The following GSTCD variants were observed in gnomAD, a reference collection of about 807,000 sequenced individuals.
GSTCD encodes glutathione S-transferase C-terminal domain containing.
Under a neutral mutation model 68.3 loss-of-function variants are expected in GSTCD, and 44 were observed. That is an observed-to-expected ratio of 0.64 (90% CI 0.51 to 0.83). GSTCD has a LOEUF of 0.83. Ranked by LOEUF, GSTCD falls within the 40% of genes least tolerant of loss-of-function variation. The probability of loss-of-function intolerance (pLI) is 0.00; values close to 1 mark genes in which losing one functional copy is unlikely to be tolerated. For synonymous variants in GSTCD, 273 were observed against 255.2 expected (o/e 1.07, Z -0.67); for missense variants, 739 against 735.9 (o/e 1.00, Z -0.05).
intron 1 of GSTCD, among the ~76,000 whole-genome samples, chr4:105,716,744 T>C (rs1252305808): frequency 6.6e-6 from 1 of 152,166 alleles, no homozygotes; most frequent in Non-Finnish European, 1.5e-5. Context: ...GCCAAGAATG[T>C]TGGAGATGGC....
chr4:105,724,817 C>T (rs1732977438), intron 3 of GSTCD, among the ~76,000 whole-genome samples: 1 of 151,862 alleles, frequency 6.6e-6, no homozygotes, highest in Non-Finnish European at 1.5e-5. Context: ...TATTTTAATT[C>T]TTTCCCCATT....
At position 105,717,805 on chromosome 4, in the gene GSTCD, A is replaced by G. The variant is rs1297462785; in HGVS notation, c.192A>G (p.Arg64=). ...KEVSRDSSLL[R]DDLIQDVEIQ... is the part of the protein sequence containing the mutation. ...TGAGTAGAGATAGTTCACTACTAAG[A>G]GATGACCTGATCCAGGATGTTGAAA... Residue 64 remains arginine (R), a synonymous_variant, in exon 2 of 12, where the codon AGA becomes AGG. Transcript: ENST00000515279. 6 of 1,613,792 alleles carry G rather than the reference A, an allele frequency of 3.7e-6. No individual in the cohort carries two copies. In the Admixed American group the frequency reaches 5.0e-5, roughly 13 times the overall value.
chr4:105,733,379 G>T (rs1409632482), intron 5 of GSTCD, among the ~76,000 whole-genome samples: 2 of 152,160 alleles, frequency 1.3e-5, no homozygotes, highest in South Asian at 2.1e-4. Context: ...TTCCTGTATT[G>T]GGTGCATATA....
chr4:105,782,269 G>A (rs1057415806), intron 5 of GSTCD, among the ~76,000 whole-genome samples: 2 of 152,146 alleles, frequency 1.3e-5, no homozygotes, highest in African/African-American at 4.8e-5. Context: ...AGGCCAAGGT[G>A]GGAGGATCAC....
chr4:105,784,305 A>C (rs558909978), intron 5 of GSTCD, among the ~76,000 whole-genome samples: 2 of 152,318 alleles, frequency 1.3e-5, no homozygotes, highest in South Asian at 4.2e-4. Context: ...GCATCTGGTG[A>C]GGGTCATCCC....
chr4:105,744,950 C>CA (rs1733752029), intron 5 of GSTCD, among the ~76,000 whole-genome samples: 1 of 152,156 alleles, frequency 6.6e-6, no homozygotes, highest in Non-Finnish European at 1.5e-5. Flanking sequence ...CTATACACAT[C>CA]AATATCTACT....
intron 5 of GSTCD, chr4:105,760,996 A>ATTTTTTTTTTTTTT (rs35581423): frequency 5.1e-5 from 9 of 174,986 alleles, no homozygotes; most frequent in African/African-American, 1.0e-4. Flanking sequence ...TCCTTTTTTA[A>ATTTTTTTTTTTTTT]TTTTTTTTTT....
intron 10 of GSTCD, among the ~76,000 whole-genome samples, chr4:105,838,770 T>C (rs1724221356): frequency 6.6e-6 from 1 of 152,240 alleles, no homozygotes; most frequent in African/African-American, 2.4e-5. Flanking sequence ...TAGCATGATA[T>C]AATACAATTT....
At chr4:105,723,241 A>T (rs971036958) in intron 3 of GSTCD, among the ~76,000 whole-genome samples, 6 of 151,964 alleles carry the variant, frequency 3.9e-5, no homozygotes, top group African/African-American at 1.4e-4. Flanking sequence ...AATTCTTGAG[A>T]GAATTAATAA....
At chr4:105,729,332 A>T (rs1733149353) in intron 4 of GSTCD, 74 bp from the exon 5 acceptor site, 1 of 823,544 alleles carries the variant, frequency 1.2e-6, no homozygotes. Flanking sequence ...TACAAATATA[A>T]TTTTTTAGCC....
intron 5 of GSTCD, among the ~76,000 whole-genome samples, chr4:105,755,583 A>T (rs1239537176): frequency 2.0e-5 from 3 of 152,124 alleles, no homozygotes; most frequent in African/African-American, 7.2e-5. Context: ...CTGCCTGGAG[A>T]TAGTGTTAGA....
chr4:105,809,470 TAGAG>T (rs1359965307), intron 5 of GSTCD, among the ~76,000 whole-genome samples: 2 of 152,128 alleles, frequency 1.3e-5, no homozygotes, highest in Non-Finnish European at 2.9e-5. Flanking sequence ...GTCACCTTAT[TAGAG>T]AGGCCCTTTC....
At chr4:105,734,224 A>G (rs1380501152) in intron 5 of GSTCD, among the ~76,000 whole-genome samples, 6 of 152,090 alleles carry the variant, frequency 3.9e-5, no homozygotes, top group African/African-American at 1.4e-4. Flanking sequence ...CTGAATTTGA[A>G]TGTTGGCCTG....
intron 5 of GSTCD, among the ~76,000 whole-genome samples, chr4:105,748,806 GAA>G (rs1383049929): frequency 2.4e-5 from 2 of 83,068 alleles, no homozygotes; most frequent in Non-Finnish European, 7.4e-5. Flanking sequence ...TTTTCTGGGA[GAA>G]AGTTAGAGAA....
At chr4:105,770,034 C>T (rs1334001781) in intron 5 of GSTCD, among the ~76,000 whole-genome samples, 1 of 152,184 alleles carries the variant, frequency 6.6e-6, no homozygotes, top group Non-Finnish European at 1.5e-5. Context: ...GCTAGGATTA[C>T]AGGTGTGAAC....
intron 5 of GSTCD, among the ~76,000 whole-genome samples, chr4:105,759,644 G>T (rs571116393): frequency 6.6e-6 from 1 of 152,276 alleles, no homozygotes; most frequent in South Asian, 2.1e-4. Context: ...TGAATGAATT[G>T]TAGGGAAAAA....
chr4:105,831,948 A>C (rs1723913864), intron 8 of GSTCD, among the ~76,000 whole-genome samples: 1 of 152,160 alleles, frequency 6.6e-6, no homozygotes, highest in Admixed American at 6.6e-5. Flanking sequence ...AAAATAAATA[A>C]ATAAATAAAA....
chr4:105,763,944 CA>C (rs879607284), intron 5 of GSTCD, among the ~76,000 whole-genome samples: 91 of 145,886 alleles, frequency 6.2e-4, no homozygotes, highest in African/African-American at 2.0e-3. Flanking sequence ...TTATTGGTCA[CA>C]AAAAAAAAAG....
intron 5 of GSTCD, among the ~76,000 whole-genome samples, chr4:105,751,417 T>C (rs1734005984): frequency 6.6e-6 from 1 of 152,186 alleles, no homozygotes; most frequent in Admixed American, 6.5e-5. Context: ...AGGCAAGAGC[T>C]GCAAAGACAT....
Sources: allele counts gnomAD v4.1 joint callset (sites outside exome capture counted in the v4.1 genomes callset), GRCh38; gene constraint gnomAD v4.1.1; transcripts MANE v1.5; gene names NCBI Gene and HGNC (gene_info 2026-07-23, HGNC 2026-07-21).